The following ERCC8 variants were observed in gnomAD, a reference collection of about 807,000 sequenced individuals.
ERCC8 encodes the protein DNA excision repair protein ERCC-8.
ERCC8 carries 52 observed loss-of-function variants against 54.9 expected under a neutral mutation model. That is an observed-to-expected ratio of 0.95 (90% CI 0.76 to 1.19). ERCC8 has a LOEUF of 1.19. Ranked by LOEUF, ERCC8 falls within the 50% of genes most tolerant of loss-of-function variation. ERCC8 has a pLI of 0.00. For missense variants in ERCC8, 514 were observed against 466.1 expected, an observed-to-expected ratio of 1.10 and a Z score of -0.95; for synonymous variants, 146 against 157.2, an observed-to-expected ratio of 0.93 and a Z score of 0.53.
chr5:60,875,836 A>C (rs942420176), intron 11 of ERCC8, among the ~76,000 whole-genome samples: 23 of 152,266 alleles, frequency 1.5e-4, no homozygotes, highest in African/African-American at 5.1e-4. Context: ...AGCTGGGACT[A>C]CAGACGCCTG....
chr5:60,886,633 C>CA (rs1748400610), intron 11 of ERCC8, among the ~76,000 whole-genome samples: 1 of 151,036 alleles, frequency 6.6e-6, no homozygotes, highest in Admixed American at 6.6e-5. Context: ...ACCCAGGAGG[C>CA]AAAAGTTGCA....
intron 9 of ERCC8, chr5:60,893,034 A>G: frequency 1.3e-6 from 1 of 784,814 alleles, no homozygotes; most frequent in Non-Finnish European, 2.3e-6. Context: ...CTCATTCCGA[A>G]GGTAATCCAG....
chr5:60,902,612 C>A (rs1748935882), intron 6 of ERCC8, 104 bp from the exon 7 acceptor site: 3 of 851,506 alleles, frequency 3.5e-6, no homozygotes, highest in Non-Finnish European at 6.2e-6. Flanking sequence ...GCCAAATATT[C>A]AATGTGAATA....
chr5:60,900,091 T>C (rs909270060), intron 7 of ERCC8, among the ~76,000 whole-genome samples: 14 of 152,146 alleles, frequency 9.2e-5, no homozygotes, highest in African/African-American at 3.4e-4. Flanking sequence ...GTTATCCAAA[T>C]GCTGTCAAGA....
At position 60,869,089 on chromosome 5, in the gene ERCC8, A is replaced by G. The variant is rs1370623557; in HGVS notation, c.*5526T>C. On this transcript the variant is annotated 3_prime_UTR_variant, in exon 12 of 12. Transcript: ENST00000676185. ...ACCTGAACATGGAAAACATTAAATTAAAAAAATGGAAATTTACCAAAGTAT... is the reference window on the plus strand; with the variant it reads ...ACCTGAACATGGAAAACATTAAATTGAAAAAATGGAAATTTACCAAAGTAT... Among the ~76,000 whole-genome samples the G allele has an allele frequency of 6.6e-6, 1 of 152,156 alleles. No individual in the cohort carries two copies. The highest frequency in any genetic ancestry group is 1.5e-5 in the Non-Finnish European group (1 of 68,010).
In ERCC8 at chr5:60,870,695, G is replaced by C. The variant is rs749323789; in HGVS notation, c.*3920C>G. On this transcript the variant is annotated 3_prime_UTR_variant, in exon 12 of 12. Transcript: ENST00000676185. ...AAAAGGGAAGAAAGGAAGAAACATA[G>C]AGAGGTCAGTTACATGCAATTTTTA... Among the ~76,000 whole-genome samples the C allele has an allele frequency of 2.7e-5, 4 of 150,368 alleles. No individual in the cohort carries two copies. The highest frequency in any genetic ancestry group is 4.4e-5 in the Non-Finnish European group (3 of 67,678).
intron 7 of ERCC8, among the ~76,000 whole-genome samples, chr5:60,899,935 A>G (rs1392805585): frequency 6.6e-6 from 1 of 152,020 alleles, no homozygotes. Flanking sequence ...AAAAAAAAAA[A>G]GTAACCTTTC....
At chr5:60,934,019 A>G (rs1469458137) in intron 1 of ERCC8, among the ~76,000 whole-genome samples, 1 of 151,984 alleles carries the variant, frequency 6.6e-6, no homozygotes, top group East Asian at 1.9e-4. Context: ...ATATTTTTGC[A>G]CTTGCGAATT....
intron 11 of ERCC8, among the ~76,000 whole-genome samples, chr5:60,881,613 T>C (rs141491348): frequency 0.012 from 1,830 of 152,304 alleles, 13 homozygotes; most frequent in South Asian, 0.027. Flanking sequence ...CTCAGACTGC[T>C]GTGCTAGCAA....
intron 11 of ERCC8, among the ~76,000 whole-genome samples, chr5:60,875,628 C>A (rs1747974773): frequency 6.6e-6 from 1 of 152,174 alleles, no homozygotes; most frequent in Non-Finnish European, 1.5e-5. Context: ...GATTCCAATT[C>A]CAATGCTGTA....
intron 1 of ERCC8, among the ~76,000 whole-genome samples, chr5:60,931,114 C>G (rs989008386): frequency 1.4e-5 from 2 of 147,320 alleles, no homozygotes; most frequent in African/African-American, 2.5e-5. Context: ...AGCAAGACTC[C>G]GTCTCAAAAA....
intron 1 of ERCC8, among the ~76,000 whole-genome samples, chr5:60,942,084 C>T (rs951708436): frequency 6.6e-6 from 1 of 151,848 alleles, no homozygotes; most frequent in African/African-American, 2.4e-5. Flanking sequence ...CCTAGAGCAG[C>T]CACTAAAGAA....
intron 8 of ERCC8, 82 bp downstream of exon 8, chr5:60,899,545 G>A (rs1008966972): frequency 1.0e-4 from 101 of 1,000,798 alleles, no homozygotes; most frequent in African/African-American, 9.5e-5. Flanking sequence ...GTCAATATGC[G>A]TTTATTATGT....
chr5:60,893,172 G>A (rs1748616687), intron 9 of ERCC8: 2 of 939,994 alleles, frequency 2.1e-6, no homozygotes, highest in Non-Finnish European at 1.8e-6. Context: ...TGGGTCTCTG[G>A]CATCCAGGAC....
intron 2 of ERCC8, among the ~76,000 whole-genome samples, chr5:60,923,498 T>C (rs967803674): frequency 6.6e-6 from 1 of 152,116 alleles, no homozygotes; most frequent in African/African-American, 2.4e-5. Context: ...CTAAAAGCCA[T>C]AATGTTTAAT....
intron 1 of ERCC8, among the ~76,000 whole-genome samples, chr5:60,937,917 G>A (rs540542618): frequency 6.6e-6 from 1 of 151,858 alleles, no homozygotes; most frequent in East Asian, 1.9e-4. Context: ...AGTTAGTCCT[G>A]CCTCCTATAC....
At chr5:60,941,520 T>C (rs1750257133) in intron 1 of ERCC8, among the ~76,000 whole-genome samples, 1 of 151,418 alleles carries the variant, frequency 6.6e-6, no homozygotes, top group Non-Finnish European at 1.5e-5. Context: ...TTGGAAAAAA[T>C]GGCTGGAAAG....
chr5:60,898,140 C>A, intron 9 of ERCC8, 136 bp downstream of exon 9: 1 of 963,270 alleles, frequency 1.0e-6, no homozygotes. Flanking sequence ...ATTACTAGTC[C>A]ACATAGTAGA....
At chr5:60,875,399 T>C (rs998919195) in intron 11 of ERCC8, among the ~76,000 whole-genome samples, 14 of 152,234 alleles carry the variant, frequency 9.2e-5, no homozygotes, top group African/African-American at 3.1e-4. Flanking sequence ...AGATGATGTT[T>C]ATTTAAAACA....
Sources: allele counts gnomAD v4.1 joint callset (sites outside exome capture counted in the v4.1 genomes callset), GRCh38; gene constraint gnomAD v4.1.1; transcripts MANE v1.5; gene names NCBI Gene and HGNC (gene_info 2026-07-23, HGNC 2026-07-21).